SUMF1: variants seen among roughly 807,000 people sequenced by gnomAD.
SUMF1 encodes the protein formylglycine-generating enzyme.
In SUMF1, 48 loss-of-function variants were observed where a neutral mutation model predicts 47.6. The ratio of observed to expected loss-of-function variants is 1.01; its 90% CI spans 0.80 to 1.28. The LOEUF is 1.28. SUMF1 is among the 50% of genes most tolerant of loss of function. The pLI, the probability that SUMF1 is intolerant of heterozygous loss-of-function variation, is 0.00. For missense variants in SUMF1, 571 were observed against 485.4 expected, an observed-to-expected ratio of 1.18 and a Z score of -1.66; for synonymous variants, 230 against 192.1, an observed-to-expected ratio of 1.20 and a Z score of -1.63.
intron 8 of SUMF1, among the ~76,000 whole-genome samples, chr3:4,108,761 G>C (rs1416729385): frequency 6.6e-6 from 1 of 151,932 alleles, no homozygotes; most frequent in Non-Finnish European, 1.5e-5. Flanking sequence ...CCTTTTTTCT[G>C]TTTTCCATTT....
intron 8 of SUMF1, among the ~76,000 whole-genome samples, chr3:4,268,260 T>C (rs1432421577): frequency 6.6e-6 from 1 of 151,574 alleles, no homozygotes; most frequent in African/African-American, 2.4e-5. Context: ...AGGGGAGGGA[T>C]AGCATTGGGA....
rs71873849 is a variant in SUMF1, at chr3:4,361,680, TCTCA to T, written c.*460_*463del. ...AGCTAAAAAATAATCTATAATAAATTCTCACTATGAAGTCACAATAGAATCTGAT... is the reference window on the plus strand; with the variant it reads ...AGCTAAAAAATAATCTATAATAAATTCTATGAAGTCACAATAGAATCTGAT... On this transcript the variant is annotated 3_prime_UTR_variant, in exon 9 of 9. Transcript: ENST00000272902. 0.61 allele frequency: 107,059 copies of T among 176,696 alleles called. 33,231 individuals carry two copies. The highest frequency in any genetic ancestry group is 0.75 in the East Asian group (5,109 of 6,820). 10.9% of individuals were successfully genotyped at this position (176,696 alleles called of 1,614,324 possible). A position where few individuals can be genotyped will look rare whatever the true frequency, so the allele number is the denominator to read the frequency against.
At chr3:4,306,100 G>A (rs1005101064) in intron 8 of SUMF1, among the ~76,000 whole-genome samples, 5 of 152,144 alleles carry the variant, frequency 3.3e-5, no homozygotes, top group Non-Finnish European at 7.3e-5. Context: ...CTACCCTCAA[G>A]GTGTTTACAA....
At chr3:4,317,159 A>G (rs1052962508) in intron 8 of SUMF1, 47 of 1,549,478 alleles carry the variant, frequency 3.0e-5, no homozygotes, top group Admixed American at 3.9e-5. Context: ...TCGAATCCCA[A>G]AGCACGGATT....
intron 3 of SUMF1, among the ~76,000 whole-genome samples, chr3:4,442,277 A>G (rs1235919682): frequency 2.8e-5 from 4 of 144,470 alleles, no homozygotes; most frequent in Non-Finnish European, 3.0e-5. Flanking sequence ...TTTTTTTGAG[A>G]CGGAGTCTCG....
chr3:4,121,840 T>C (rs1693551745), intron 8 of SUMF1, among the ~76,000 whole-genome samples: 1 of 152,084 alleles, frequency 6.6e-6, no homozygotes, highest in Non-Finnish European at 1.5e-5. Context: ...TGCCCATTAG[T>C]TATTTTTCCT....
At chr3:4,428,953 A>G (rs549164242) in intron 3 of SUMF1, among the ~76,000 whole-genome samples, 1 of 152,280 alleles carries the variant, frequency 6.6e-6, no homozygotes, top group African/African-American at 2.4e-5. Context: ...TTTTATCTGA[A>G]CTTCATAACG....
intron 9 of SUMF1, among the ~76,000 whole-genome samples, chr3:4,048,366 C>T (rs920173114): frequency 2.0e-5 from 3 of 152,122 alleles, no homozygotes; most frequent in African/African-American, 7.2e-5. Context: ...CTTACAACTA[C>T]CCTGAGAAAA....
intron 8 of SUMF1, among the ~76,000 whole-genome samples, chr3:4,309,897 C>G (rs916697653): frequency 1.3e-5 from 2 of 152,160 alleles, no homozygotes; most frequent in African/African-American, 4.8e-5. Flanking sequence ...CTGAGAAATG[C>G]ATCATTAGAC....
chr3:4,458,749 C>T (rs910524876), intron 1 of SUMF1, among the ~76,000 whole-genome samples: 1 of 151,824 alleles, frequency 6.6e-6, no homozygotes, highest in Admixed American at 6.6e-5. Flanking sequence ...CCAGCTACTC[C>T]GGAGGCTGAG....
intron 8 of SUMF1, among the ~76,000 whole-genome samples, chr3:4,333,548 T>A (rs1699089490): frequency 6.6e-6 from 1 of 152,228 alleles, no homozygotes. Context: ...GATCCCATTT[T>A]TTATACCAAA....
Position 4,213,288 on chromosome 3 carries a change from G to A in SUMF1, c.1015-144543C>T, listed in dbSNP as rs577475726. Among the ~76,000 whole-genome samples, 22 of 152,164 alleles carry A rather than the reference G, an allele frequency of 1.4e-4. No individual in the cohort carries two copies. The East Asian group carries it at 2.7e-3, about 19-fold the overall frequency. ...TTCTTAAAGAAAAGAATTTTCAACCGAGAATTTCATATCCAGTCAAACTAA... is the reference window on the plus strand; with the variant it reads ...TTCTTAAAGAAAAGAATTTTCAACCAAGAATTTCATATCCAGTCAAACTAA... On this transcript the variant is annotated intron_variant and NMD_transcript_variant, in intron 8 of 12. Transcript: ENST00000448413.
chr3:4,306,387 T>TA (rs1384562073), intron 8 of SUMF1, among the ~76,000 whole-genome samples: 1 of 152,000 alleles, frequency 6.6e-6, no homozygotes, highest in Non-Finnish European at 1.5e-5. Flanking sequence ...TTAAAATAAA[T>TA]ACGTCTATTT....
intron 7 of SUMF1, among the ~76,000 whole-genome samples, chr3:4,389,509 C>A (rs1490498853): frequency 1.3e-5 from 2 of 152,300 alleles, no homozygotes; most frequent in East Asian, 3.9e-4. Context: ...TCTTACCAAA[C>A]TGGAGGTGCT....
At position 4,244,235 on chromosome 3, in the gene SUMF1, T is replaced by C. The variant is rs559263699; in HGVS notation, c.1014+132095A>G. Among the ~76,000 whole-genome samples the C allele has an allele frequency of 2.3e-4, 35 of 152,368 alleles. No homozygotes were observed. In the East Asian group the frequency reaches 6.4e-3, roughly 28 times the overall value. ...CAACTTGCCAGTCTGTGTCTTTTAA[T>C]TGGGGCATTTAGCCCATTTACATTA... On this transcript the variant is annotated intron_variant and NMD_transcript_variant, in intron 8 of 12. Coordinates refer to the SUMF1 transcript ENST00000448413.
At chr3:4,274,004 G>C (rs1337557357) in intron 8 of SUMF1, among the ~76,000 whole-genome samples, 1 of 151,976 alleles carries the variant, frequency 6.6e-6, no homozygotes, top group East Asian at 1.9e-4. Context: ...TCAATGTTTA[G>C]CATCTAAATT....
At chr3:4,363,046 C>A (rs1699819867) in intron 8 of SUMF1, among the ~76,000 whole-genome samples, 1 of 152,168 alleles carries the variant, frequency 6.6e-6, no homozygotes, top group Admixed American at 6.5e-5. Flanking sequence ...CCACAATGTG[C>A]ACAGTAGTTA....
At chr3:4,094,061 C>G (rs1692846351) in intron 8 of SUMF1, among the ~76,000 whole-genome samples, 1 of 152,018 alleles carries the variant, frequency 6.6e-6, no homozygotes, top group South Asian at 2.1e-4. Context: ...CTAAACTGAA[C>G]TGATACAGAA....
rs146376332 is a variant in SUMF1 at position 4,044,811 on chromosome 3, T to G, written c.1191+23758A>C. ...GCTGCCTTGCAGGCAATAACTTTCT[T>G]CACTATTCTGTTTGGAATATTGCAT... On this transcript the variant is annotated intron_variant and NMD_transcript_variant, in intron 9 of 12. Coordinates refer to the SUMF1 transcript ENST00000448413. Among the ~76,000 whole-genome samples, 541 of 152,366 alleles carry G rather than the reference T, an allele frequency of 3.6e-3. 3 individuals carry two copies. The highest frequency in any genetic ancestry group is 6.2e-3 in the Non-Finnish European group (423 of 68,036).
Sources: allele counts gnomAD v4.1 joint callset (sites outside exome capture counted in the v4.1 genomes callset), GRCh38; gene constraint gnomAD v4.1.1; transcripts MANE v1.5; gene names NCBI Gene and HGNC (gene_info 2026-07-23, HGNC 2026-07-21).